DNMT3A: variants seen among roughly 807,000 people sequenced by gnomAD.
DNMT3A encodes DNA (cytosine-5)-methyltransferase 3A.
In DNMT3A, 267 loss-of-function variants were observed where a neutral mutation model predicts 117.6. That is an observed-to-expected ratio of 2.27 (90% CI 2.05 to 2.51). DNMT3A has a LOEUF of 2.51. Among genes scored for constraint, DNMT3A ranks in the 30% most tolerant of loss-of-function variants. The probability of loss-of-function intolerance (pLI) is 0.00; values close to 1 mark genes in which losing one functional copy is unlikely to be tolerated. For synonymous variants in DNMT3A, 432 were observed against 474.8 expected, an observed-to-expected ratio of 0.91 and a Z score of 1.17; for missense variants, 1,029 against 1,260.2, an observed-to-expected ratio of 0.82 and a Z score of 2.78.
intron 2 of DNMT3A, among the ~76,000 whole-genome samples, chr2:25,300,669 T>A (rs550258515): frequency 6.9e-4 from 39 of 56,420 alleles, no homozygotes; most frequent in East Asian, 1.2e-3. Flanking sequence ...AATATATTAT[T>A]TAGATATATA....
chr2:25,264,115 G>A lies in DNMT3A; in HGVS notation c.639+10826C>T, dbSNP rs536224933. 5.0e-5 allele frequency among the ~76,000 whole-genome samples: 7 copies of A among 140,548 alleles called. No individual in the cohort carries two copies. In the South Asian group the frequency reaches 1.7e-3, roughly 33 times the overall value. 92.2% of individuals were successfully genotyped at this position (140,548 alleles called of 152,430 possible). On this transcript the variant is annotated intron_variant, in intron 6 of 22. Transcript: ENST00000321117. ...GAGCACACAGTATCTGCTCAGTAAA[G>A]GCTGGACAACCCTTTGGTTTTTTTT...
chr2:25,324,821 CCTGA>C (rs963218996), intron 1 of DNMT3A, among the ~76,000 whole-genome samples: 19 of 152,146 alleles, frequency 1.2e-4, no homozygotes, highest in African/African-American at 4.6e-4. Context: ...ATTCCATTGC[CCTGA>C]CTTTCAGAAA....
At chr2:25,333,760 C>G (rs2035102531) in intron 1 of DNMT3A, among the ~76,000 whole-genome samples, 1 of 152,252 alleles carries the variant, frequency 6.6e-6, no homozygotes, top group Non-Finnish European at 1.5e-5. Context: ...AGCACCTTCT[C>G]TGTGCCAGGC....
chr2:25,245,168 C>A, intron 13 of DNMT3A, 85 bp downstream of exon 13: 2 of 1,338,482 alleles, frequency 1.5e-6, no homozygotes, highest in Non-Finnish European at 1.1e-6. Context: ...TCACCCTGTA[C>A]ATGCCCAGAA....
At position 25,338,000 on chromosome 2, in the gene DNMT3A, G is replaced by A. The variant is rs2035274855; in HGVS notation, c.-178+3826C>T. 6.6e-6 allele frequency among the ~76,000 whole-genome samples: 1 copy of A among 152,210 alleles called. No homozygotes were observed. The stretch of plus-strand genomic sequence containing the variant: ...CCCGAGGGCCGCAGCATGGGGAATG[G>A]CATTGGGGTAGATGCTCTGGCCCTA... On this transcript the variant is annotated intron_variant, in intron 1 of 22. Coordinates refer to ENST00000321117, the MANE Select transcript of DNMT3A (RefSeq NM_022552.5). The surrounding 1 kb of genome is among the most constrained non-coding windows in gnomAD (Gnocchi z 5.0).
intron 3 of DNMT3A, among the ~76,000 whole-genome samples, chr2:25,297,210 T>G (rs1451879007): frequency 6.6e-6 from 1 of 152,142 alleles, no homozygotes; most frequent in Admixed American, 6.5e-5. Context: ...GGGTCAGTCT[T>G]TCTCGGTTCC....
intron 4 of DNMT3A, 100 bp from the exon 5 acceptor site, chr2:25,275,643 G>T: frequency 3.0e-6 from 4 of 1,317,870 alleles, no homozygotes; most frequent in Non-Finnish European, 3.1e-6. Flanking sequence ...TGCCACAGGG[G>T]ATGGGGGTCC....
intron 6 of DNMT3A, among the ~76,000 whole-genome samples, chr2:25,262,664 G>A (rs147510704): frequency 9.6e-4 from 146 of 152,220 alleles, no homozygotes; most frequent in African/African-American, 3.3e-3. Flanking sequence ...TCTCTCTGGG[G>A]AATACTTATT....
intron 20 of DNMT3A, 52 bp downstream of exon 20, chr2:25,239,078 C>A: frequency 6.4e-7 from 1 of 1,562,696 alleles, no homozygotes; most frequent in Non-Finnish European, 8.8e-7. Context: ...TATGGGTCAT[C>A]CCACCTGCAG....
At position 25,306,505 on chromosome 2, in the gene DNMT3A, A is replaced by G. The variant is rs1013505755; in HGVS notation, c.73-6262T>C. Among the ~76,000 whole-genome samples, 1 of 152,098 alleles carries G rather than the reference A, an allele frequency of 6.6e-6. No homozygotes were observed. On this transcript the variant is annotated intron_variant, in intron 2 of 22. Transcript: ENST00000321117. The surrounding 1 kb of genome is among the most constrained non-coding windows in gnomAD (Gnocchi z 4.1). ...TCTCATTGGCGCCTCTGAGTCCCCCACAGCTCCTGGGTACTTGCACACAGA... is the reference window on the plus strand; with the variant it reads ...TCTCATTGGCGCCTCTGAGTCCCCCGCAGCTCCTGGGTACTTGCACACAGA...
chr2:25,241,713 C>G lies in DNMT3A; in HGVS notation c.1937-6G>C. 1 of 1,613,436 alleles carries G rather than the reference C, an allele frequency of 6.2e-7. No homozygotes were observed. The highest frequency in any genetic ancestry group is 1.3e-5 in the African/African-American group (1 of 75,020). ...GTCCTTCAGCACCAGGAGCCCTGCA[C>G]CAGCCAGCAGACAGCACCGTTACTT... On this transcript the variant is annotated splice_polypyrimidine_tract_variant and splice_region_variant and intron_variant, in intron 16 of 22. Coordinates refer to ENST00000321117, the MANE Select transcript of DNMT3A (RefSeq NM_022552.5).
At chr2:25,313,774 G>A in intron 2 of DNMT3A, 139 bp downstream of exon 2, 1 of 1,302,234 alleles carries the variant, frequency 7.7e-7, no homozygotes, top group Non-Finnish European at 1.1e-6. Flanking sequence ...CCCAAACAGG[G>A]ATGTGATGGT....
Position 25,286,346 on chromosome 2 carries a change from C to T in DNMT3A, c.178-3635G>A, listed in dbSNP as rs2032310415. Among the ~76,000 whole-genome samples, 1 of 152,230 alleles carries T rather than the reference C, an allele frequency of 6.6e-6. No individual in the cohort carries two copies. The highest frequency in any genetic ancestry group is 1.5e-5 in the Non-Finnish European group (1 of 68,034). On this transcript the variant is annotated intron_variant, in intron 3 of 22. Coordinates refer to ENST00000321117, the MANE Select transcript of DNMT3A (RefSeq NM_022552.5). The surrounding 1 kb of genome is among the most constrained non-coding windows in gnomAD (Gnocchi z 4.3). ...TGCGCCATTCTCCCAGAGATGCCCC[C>T]AAAGCCAGGTGGGAGCCGGGCATGC... is the stretch of plus-strand genomic sequence containing the variant.
chr2:25,290,175 G>T (rs1260566913), intron 3 of DNMT3A, among the ~76,000 whole-genome samples: 1 of 152,044 alleles, frequency 6.6e-6, no homozygotes, highest in East Asian at 1.9e-4. Flanking sequence ...TTGAGACAAG[G>T]TCTCACTCTG....
intron 1 of DNMT3A, among the ~76,000 whole-genome samples, chr2:25,319,166 C>T (rs561719419): frequency 3.3e-5 from 5 of 151,544 alleles, no homozygotes; most frequent in Non-Finnish European, 5.9e-5. Flanking sequence ...AGGTGCCCAC[C>T]ACCACACCCG....
chr2:25,312,839 GC>G (rs904953301), intron 2 of DNMT3A, among the ~76,000 whole-genome samples: 19 of 152,316 alleles, frequency 1.2e-4, no homozygotes, highest in Admixed American at 1.3e-4. Flanking sequence ...GCCCCAGAGT[GC>G]CCAGGGCCCC....
intron 6 of DNMT3A, among the ~76,000 whole-genome samples, chr2:25,271,848 A>G (rs1377294673): frequency 6.6e-6 from 1 of 152,144 alleles, no homozygotes; most frequent in African/African-American, 2.4e-5. Flanking sequence ...ATTGGTTGGG[A>G]GTGGGGATGC....
At position 25,282,835 on chromosome 2, in the gene DNMT3A, T is replaced by A; in HGVS notation, c.178-124A>T. On this transcript the variant is annotated intron_variant, in intron 3 of 22. Transcript: ENST00000321117. This position sits in a 1 kb window ranked among gnomAD's most constrained non-coding sequence, Gnocchi z 5.2. ...ACTTTCTGTCCAGAAACTGTGTTCA[T>A]ATAAACCTTCATGCAAACAGATACA... 1 of 1,234,152 alleles carries A rather than the reference T, an allele frequency of 8.1e-7. No homozygotes were observed. The highest frequency in any genetic ancestry group is 1.1e-6 in the Non-Finnish European group (1 of 919,588). 76.5% of individuals were successfully genotyped at this position (1,234,152 alleles called of 1,614,324 possible). A position where few individuals can be genotyped will look rare whatever the true frequency, so the allele number is the denominator to read the frequency against.
intron 3 of DNMT3A, among the ~76,000 whole-genome samples, chr2:25,295,149 C>A (rs1206472246): frequency 6.6e-6 from 1 of 152,222 alleles, no homozygotes; most frequent in Non-Finnish European, 1.5e-5. Context: ...GGCTGGCAAC[C>A]AGGCAGGAAC....
Sources: gnomAD v4.1 joint callset for allele counts (sites outside exome capture counted in the v4.1 genomes callset) on GRCh38, gnomAD v4.1.1 for gene constraint, Gnocchi (gnomAD v3.1) non-coding constraint, MANE v1.5 for transcripts, NCBI Gene and HGNC (gene_info 2026-07-23, HGNC 2026-07-21) for gene names.